SHISA9: variants seen among roughly 807,000 people sequenced by gnomAD.
The protein encoded by SHISA9 is protein shisa-9.
In SHISA9, 13 loss-of-function variants were observed where a neutral mutation model predicts 38.0. The observed-to-expected ratio is 0.34, with a 90% CI of 0.22 to 0.54. The LOEUF is 0.54. Among genes scored for constraint, SHISA9 ranks in the 20% least tolerant of loss-of-function variants. The pLI is 0.91. For missense variants in SHISA9, 538 were observed against 575.8 expected (o/e 0.93, Z 0.67); for synonymous variants, 275 against 242.0 (o/e 1.14, Z -1.27).
Position 12,992,414 on chromosome 16 carries a change from C to T in SHISA9, c.691+75599C>T, listed in dbSNP as rs575306047. Among the ~76,000 whole-genome samples the T allele has an allele frequency of 2.6e-5, 4 of 151,140 alleles. No individual in the cohort carries two copies. The East Asian group carries it at 5.8e-4, about 22-fold the overall frequency. On this transcript the variant is annotated intron_variant, in intron 2 of 4. Coordinates refer to ENST00000558583, the MANE Select transcript of SHISA9 (RefSeq NM_001145204.3). ...GGGTGTGGTGGCACATTCTTGTAATCCCAGCTACTCAGGAGGCTGAGGCAG... is the reference window on the plus strand; with the variant it reads ...GGGTGTGGTGGCACATTCTTGTAATTCCAGCTACTCAGGAGGCTGAGGCAG...
the SHISA9 span, among the ~76,000 whole-genome samples, chr16:13,375,727 G>A: frequency 6.6e-6 from 1 of 152,284 alleles, no homozygotes; most frequent in East Asian, 1.9e-4. Context: ...CCTAAGACTT[G>A]TACACTAAAC....
chr16:13,026,750 A>G (rs977406362), intron 2 of SHISA9, among the ~76,000 whole-genome samples: 1 of 152,208 alleles, frequency 6.6e-6, no homozygotes, highest in Non-Finnish European at 1.5e-5. Context: ...AGTGATGGGA[A>G]TCTTCTCATA....
the SHISA9 span, among the ~76,000 whole-genome samples, chr16:13,434,427 T>TTGTTTTTTTTG: frequency 1.0e-3 from 146 of 145,974 alleles, 5 homozygotes; most frequent in African/African-American, 3.4e-3. Context: ...ATGTTTTTTT[T>TTGTTTTTTTTG]TTTTTTTTGA....
the SHISA9 span, among the ~76,000 whole-genome samples, chr16:13,473,650 G>A: frequency 2.6e-5 from 4 of 152,086 alleles, no homozygotes; most frequent in Non-Finnish European, 5.9e-5. Flanking sequence ...TTCTCCAGAA[G>A]ATACTGCCAA....
At chr16:13,022,956 G>A (rs774591313) in intron 2 of SHISA9, among the ~76,000 whole-genome samples, 11 of 152,158 alleles carry the variant, frequency 7.2e-5, no homozygotes, top group Non-Finnish European at 1.6e-4. Flanking sequence ...CCAGGATGAT[G>A]TCATCTTGAG....
chr16:13,398,305 C>T, the SHISA9 span, among the ~76,000 whole-genome samples: 11 of 152,180 alleles, frequency 7.2e-5, no homozygotes, highest in African/African-American at 2.2e-4. Context: ...CAGCACTTCC[C>T]GGTCCCCCTT....
intron 2 of SHISA9, among the ~76,000 whole-genome samples, chr16:12,969,812 A>T (rs1480547216): frequency 6.6e-6 from 1 of 152,170 alleles, no homozygotes; most frequent in African/African-American, 2.4e-5. Context: ...GAAAACAAAT[A>T]AATGAATGAG....
At chr16:13,303,687 G>A in the SHISA9 span, among the ~76,000 whole-genome samples, 2 of 152,202 alleles carry the variant, frequency 1.3e-5, no homozygotes, top group Non-Finnish European at 2.9e-5. Flanking sequence ...TGGCTGTACA[G>A]CATTGTAAAT....
intron 2 of SHISA9, among the ~76,000 whole-genome samples, chr16:13,040,575 C>T (rs1256065275): frequency 6.6e-6 from 1 of 152,186 alleles, no homozygotes; most frequent in Non-Finnish European, 1.5e-5. Context: ...ATGTTTATGG[C>T]CTGACTTGCT....
chr16:12,975,427 C>A (rs2072144727), intron 2 of SHISA9, among the ~76,000 whole-genome samples: 1 of 151,976 alleles, frequency 6.6e-6, no homozygotes, highest in Non-Finnish European at 1.5e-5. Context: ...TCGCTTGAAC[C>A]CAGAGGTGGA....
At chr16:13,054,800 C>G (rs909448509) in intron 2 of SHISA9, among the ~76,000 whole-genome samples, 9 of 152,226 alleles carry the variant, frequency 5.9e-5, no homozygotes, top group Non-Finnish European at 1.2e-4. Flanking sequence ...TCAACTTGCT[C>G]TCTGCCTTCC....
chr16:13,369,917 A>G, the SHISA9 span, among the ~76,000 whole-genome samples: 1 of 151,874 alleles, frequency 6.6e-6, no homozygotes, highest in African/African-American at 2.4e-5. Context: ...GGGGTTGGAG[A>G]CCTGGCCTAG....
intron 2 of SHISA9, among the ~76,000 whole-genome samples, chr16:12,998,647 G>A (rs2072488299): frequency 6.6e-6 from 1 of 152,056 alleles, no homozygotes; most frequent in South Asian, 2.1e-4. Flanking sequence ...CTCCCACCTC[G>A]GTCTTCCTGA....
intron 2 of SHISA9, among the ~76,000 whole-genome samples, chr16:13,164,417 T>C (rs1376186785): frequency 6.6e-6 from 1 of 152,132 alleles, no homozygotes; most frequent in Non-Finnish European, 1.5e-5. Flanking sequence ...AACCTATGTT[T>C]TTGATGGACA....
At chr16:13,054,262 A>G (rs1319130054) in intron 2 of SHISA9, among the ~76,000 whole-genome samples, 3 of 152,214 alleles carry the variant, frequency 2.0e-5, no homozygotes, top group Admixed American at 2.0e-4. Context: ...GGGGATAACG[A>G]TGATCTTCAC....
At chr16:13,436,731 A>C in the SHISA9 span, among the ~76,000 whole-genome samples, 4 of 152,090 alleles carry the variant, frequency 2.6e-5, no homozygotes, top group Non-Finnish European at 4.4e-5. Flanking sequence ...AACCAACTTT[A>C]GGCACCTGTT....
At chr16:13,119,236 A>G (rs1427504114) in intron 2 of SHISA9, among the ~76,000 whole-genome samples, 1 of 152,216 alleles carries the variant, frequency 6.6e-6, no homozygotes, top group Non-Finnish European at 1.5e-5. Context: ...GCAGCTGTGA[A>G]ACCAGATGCT....
the SHISA9 span, among the ~76,000 whole-genome samples, chr16:13,387,754 C>T: frequency 5.3e-5 from 8 of 152,126 alleles, no homozygotes; most frequent in Admixed American, 5.2e-4. Context: ...TCCCAAAGTG[C>T]TGGGATTACA....
chr16:13,503,044 C>T, the SHISA9 span, among the ~76,000 whole-genome samples: 40 of 152,110 alleles, frequency 2.6e-4, no homozygotes, highest in Admixed American at 5.2e-4. Flanking sequence ...TTAACAGGGA[C>T]GACATGGCAG....
Sources: gnomAD v4.1 joint callset for allele counts (sites outside exome capture counted in the v4.1 genomes callset) on GRCh38, gnomAD v4.1.1 for gene constraint, MANE v1.5 for transcripts, NCBI Gene and HGNC (gene_info 2026-07-23, HGNC 2026-07-21) for gene names.